Variants in MACROD2 observed in about 807,000 individuals in gnomAD.
MACROD2 encodes mono-ADP ribosylhydrolase 2, also known as ADP-ribose glycohydrolase MACROD2.
MACROD2 carries 36 observed loss-of-function variants against 70.4 expected under a neutral mutation model. That is an observed-to-expected ratio of 0.51 (90% CI 0.39 to 0.68). The LOEUF is 0.68. MACROD2 is among the 30% of genes least tolerant of loss of function. The pLI, the probability that MACROD2 is intolerant of heterozygous loss-of-function variation, is 0.00. For missense variants in MACROD2, 496 were observed against 538.4 expected (o/e 0.92, Z 0.78); for synonymous variants, 172 against 178.8 (o/e 0.96, Z 0.30).
Position 15,862,732 on chromosome 20 carries a change from C to T in MACROD2, c.646-13C>T. On this transcript the variant is annotated splice_polypyrimidine_tract_variant and intron_variant, in intron 8 of 17. Coordinates refer to ENST00000684519, the MANE Select transcript of MACROD2 (RefSeq NM_001351661.2). ...TTTTTTTTCACTTTGAGTGTTTTAT[C>T]TTTTGCCTCTAGGTGGATCGGATCA... The T allele has an allele frequency of 6.2e-7, 1 of 1,602,122 alleles. No individual in the cohort carries two copies.
In MACROD2 at chr20:14,271,238, A is replaced by T. The variant is rs2082192584; in HGVS notation, c.271+185510A>T. Among the ~76,000 whole-genome samples, 4 of 151,872 alleles carry T rather than the reference A, an allele frequency of 2.6e-5. No homozygotes were observed. In the South Asian group the frequency reaches 8.3e-4, roughly 32 times the overall value. On this transcript the variant is annotated intron_variant, in intron 3 of 17. Coordinates refer to ENST00000684519, the MANE Select transcript of MACROD2 (RefSeq NM_001351661.2). ...CCCCCGAGCAGCCTAACTGGGAGGC[A>T]CCCCCCAGTAGGGGCAGACTGACAC...
At chr20:15,801,761 T>C (rs1290951718) in intron 8 of MACROD2, among the ~76,000 whole-genome samples, 2 of 152,156 alleles carry the variant, frequency 1.3e-5, no homozygotes, top group Non-Finnish European at 2.9e-5. Context: ...TTGATAAGCA[T>C]TGCATTGAAT....
chr20:14,132,759 C>T (rs2054734135), intron 3 of MACROD2, among the ~76,000 whole-genome samples: 1 of 152,104 alleles, frequency 6.6e-6, no homozygotes, highest in Non-Finnish European at 1.5e-5. Context: ...TTTTCTCAGC[C>T]TCCTGAGTAG....
intron 2 of MACROD2, among the ~76,000 whole-genome samples, chr20:14,078,521 C>T (rs1028237229): frequency 6.6e-6 from 1 of 152,118 alleles, no homozygotes; most frequent in African/African-American, 2.4e-5. Context: ...ATTCTCCTGC[C>T]TCAGCCTCCC....
At chr20:15,435,208 TTAC>T (rs1193315818) in intron 7 of MACROD2, among the ~76,000 whole-genome samples, 1 of 152,128 alleles carries the variant, frequency 6.6e-6, no homozygotes, top group Non-Finnish European at 1.5e-5. Flanking sequence ...AAAAGGCATT[TTAC>T]TTAATCACTA....
intron 8 of MACROD2, among the ~76,000 whole-genome samples, chr20:15,665,205 G>T (rs887234697): frequency 6.6e-6 from 1 of 152,148 alleles, no homozygotes; most frequent in African/African-American, 2.4e-5. Context: ...TGTTAATTTG[G>T]TCAAGCTTCA....
chr20:15,413,112 T>C (rs574678893), intron 6 of MACROD2, among the ~76,000 whole-genome samples: 11 of 152,356 alleles, frequency 7.2e-5, no homozygotes, highest in Non-Finnish European at 1.3e-4. Context: ...GCTCTTTCAA[T>C]TCCTGGATGT....
intron 5 of MACROD2, among the ~76,000 whole-genome samples, chr20:15,132,911 T>C (rs1398977967): frequency 1.3e-5 from 2 of 152,032 alleles, no homozygotes; most frequent in African/African-American, 4.8e-5. Context: ...TTTGTAACAT[T>C]AATTTGTGAT....
intron 5 of MACROD2, among the ~76,000 whole-genome samples, chr20:15,147,429 A>ATT (rs11469255): frequency 8.0e-5 from 12 of 149,312 alleles, no homozygotes; most frequent in African/African-American, 3.0e-4. Flanking sequence ...CGGAGTTAGC[A>ATT]TTTTTTTTTT....
chr20:15,655,316 CTTTT>C (rs10595680), intron 8 of MACROD2, among the ~76,000 whole-genome samples: 3,413 of 140,016 alleles, frequency 0.024, 164 homozygotes, highest in East Asian at 0.2. Context: ...TAGAGTTCCA[CTTTT>C]TTTTTTTTTT....
intron 8 of MACROD2, among the ~76,000 whole-genome samples, chr20:15,556,384 G>T (rs554803310): frequency 7.4e-5 from 11 of 149,048 alleles, no homozygotes; most frequent in East Asian, 3.9e-4. Flanking sequence ...AAGACATCTG[G>T]TTTTTTTTTT....
intron 7 of MACROD2, among the ~76,000 whole-genome samples, chr20:15,433,648 T>C (rs1296742502): frequency 6.6e-6 from 1 of 150,960 alleles, no homozygotes; most frequent in Non-Finnish European, 1.5e-5. Flanking sequence ...TTCCTACAGA[T>C]TCCCATCAAA....
At chr20:14,859,942 G>C (rs565786699) in intron 5 of MACROD2, among the ~76,000 whole-genome samples, 3 of 152,240 alleles carry the variant, frequency 2.0e-5, no homozygotes, top group African/African-American at 7.2e-5. Flanking sequence ...TAGATAAGGA[G>C]ACATGACTTG....
intron 8 of MACROD2, among the ~76,000 whole-genome samples, chr20:15,641,478 T>C (rs1434724145): frequency 1.3e-5 from 2 of 152,196 alleles, no homozygotes; most frequent in Non-Finnish European, 2.9e-5. Context: ...CGTGGTCTTC[T>C]CTAGAATTGT....
intron 6 of MACROD2, among the ~76,000 whole-genome samples, chr20:15,415,073 C>T (rs930317305): frequency 2.0e-5 from 3 of 152,048 alleles, no homozygotes; most frequent in Admixed American, 6.6e-5. Context: ...ATGGTGCATG[C>T]GGAAGTTAGA....
intron 3 of MACROD2, among the ~76,000 whole-genome samples, chr20:14,392,023 C>A (rs2083532057): frequency 6.6e-6 from 1 of 151,554 alleles, no homozygotes; most frequent in Non-Finnish European, 1.5e-5. Flanking sequence ...AGGAATGCGA[C>A]TTCTTTTTTT....
At chr20:15,061,178 A>G (rs1012975549) in intron 5 of MACROD2, among the ~76,000 whole-genome samples, 5 of 152,202 alleles carry the variant, frequency 3.3e-5, no homozygotes, top group African/African-American at 1.2e-4. Flanking sequence ...TCAACTTTGA[A>G]GACAACCCTC....
chr20:16,016,715 T>C (rs1568711329), intron 15 of MACROD2, among the ~76,000 whole-genome samples: 2 of 152,194 alleles, frequency 1.3e-5, no homozygotes, highest in Non-Finnish European at 2.9e-5. Flanking sequence ...TTTGTATTTT[T>C]GGTAGAGACG....
At chr20:14,076,066 T>C (rs539541285) in intron 2 of MACROD2, among the ~76,000 whole-genome samples, 6 of 152,324 alleles carry the variant, frequency 3.9e-5, no homozygotes, top group African/African-American at 1.4e-4. Flanking sequence ...TTGACAAAAA[T>C]GTAGACCAAA....
Sources: gnomAD v4.1 joint callset for allele counts (sites outside exome capture counted in the v4.1 genomes callset) on GRCh38, gnomAD v4.1.1 for gene constraint, MANE v1.5 for transcripts, NCBI Gene and HGNC (gene_info 2026-07-23, HGNC 2026-07-21) for gene names.